The following SLC7A14 variants were observed in gnomAD, a reference collection of about 807,000 sequenced individuals.
SLC7A14 encodes solute carrier family 7 member 14, also known as gamma-aminobutyric acid transporter SLC7A14.
In SLC7A14, 37 loss-of-function variants were observed where a neutral mutation model predicts 60.2. The ratio of observed to expected loss-of-function variants is 0.61; its 90% confidence interval spans 0.47 to 0.81. The LOEUF is 0.81. Ranked by LOEUF, SLC7A14 falls within the 30% of genes least tolerant of loss-of-function variation. SLC7A14 has a pLI of 0.00. For synonymous variants in SLC7A14, 399 were observed against 395.8 expected, an observed-to-expected ratio of 1.01 and a Z score of -0.10; for missense variants, 886 against 982.7, an observed-to-expected ratio of 0.90 and a Z score of 1.32.
intron 4 of SLC7A14, among the ~76,000 whole-genome samples, chr3:170,493,203 G>T (rs948842276): frequency 8.5e-5 from 13 of 152,208 alleles, no homozygotes; most frequent in Non-Finnish European, 1.5e-4. Flanking sequence ...TCAGCTGAAG[G>T]CCAGAGTTAC....
intron 4 of SLC7A14, among the ~76,000 whole-genome samples, chr3:170,496,798 G>A (rs184843640): frequency 1.8e-3 from 277 of 152,330 alleles, no homozygotes; most frequent in African/African-American, 5.2e-3. Context: ...CAGCCGCACC[G>A]GCTCCGCCAG....
At chr3:170,500,310 T>C (rs761742824) in intron 3 of SLC7A14, among the ~76,000 whole-genome samples, 33 of 151,952 alleles carry the variant, frequency 2.2e-4, no homozygotes, top group Non-Finnish European at 3.8e-4. Flanking sequence ...GTGTGGTAGC[T>C]GAGTAGTAAT....
intron 2 of SLC7A14, among the ~76,000 whole-genome samples, chr3:170,525,547 T>G (rs547410111): frequency 6.6e-6 from 1 of 152,336 alleles, no homozygotes; most frequent in Non-Finnish European, 1.5e-5. Flanking sequence ...AGTTTGAGGT[T>G]TATCAAATCC....
At position 170,573,513 on chromosome 3, in the gene SLC7A14, A is replaced by C. The variant is rs141934467; in HGVS notation, c.-153+12398T>G. The stretch of plus-strand genomic sequence containing the variant: ...GCAGAGAATTAGGCCCAGGAGTTCA[A>C]AGATTTGGTAAGGGGCTTTGGACAA... On this transcript the variant is annotated intron_variant, in intron 1 of 7. Coordinates refer to ENST00000231706, the MANE Select transcript of SLC7A14 (RefSeq NM_020949.3). Among the ~76,000 whole-genome samples the C allele has an allele frequency of 4.7e-3, 720 of 152,316 alleles. 18 individuals are homozygous for C. The highest frequency in any genetic ancestry group is 0.035 in the Admixed American group (537 of 15,292).
chr3:170,549,466 G>A (rs759904252), intron 1 of SLC7A14, among the ~76,000 whole-genome samples: 1 of 152,024 alleles, frequency 6.6e-6, no homozygotes, highest in Non-Finnish European at 1.5e-5. Context: ...CACCCGCCTC[G>A]GCCTCCCAAA....
chr3:170,483,531 A>G lies in SLC7A14; in HGVS notation c.907-9T>C, dbSNP rs2108270549. 1.9e-6 allele frequency: 3 copies of G among 1,614,090 alleles called. No individual in the cohort carries two copies. The highest frequency in any genetic ancestry group is 2.5e-6 in the Non-Finnish European group (3 of 1,179,940). On this transcript the variant is annotated splice_polypyrimidine_tract_variant and intron_variant, in intron 5 of 7. Transcript: ENST00000231706. ...GTTAAGATCACGCTCACCTGTTAAA[A>G]CAAGAGAAGACAGGGCTGGAGGTAC... is the stretch of plus-strand genomic sequence containing the variant.
chr3:170,483,652 G>T, intron 5 of SLC7A14, 130 bp from the exon 6 acceptor site: 1 of 900,954 alleles, frequency 1.1e-6, no homozygotes, highest in Non-Finnish European at 1.7e-6. Flanking sequence ...CCATTCACTT[G>T]CTGGCATGTG....
chr3:170,537,504 A>AC (rs1210687248), intron 1 of SLC7A14, among the ~76,000 whole-genome samples: 6 of 152,134 alleles, frequency 3.9e-5, no homozygotes, highest in Non-Finnish European at 1.5e-5. Context: ...TCTTCTAAGA[A>AC]CCACTCTTAT....
At position 170,525,357 on chromosome 3, in the gene SLC7A14, A is replaced by G. The variant is rs887454064; in HGVS notation, c.304+1276T>C. Among the ~76,000 whole-genome samples, 3 of 152,244 alleles carry G rather than the reference A, an allele frequency of 2.0e-5. 1 individual carries two copies. In the Middle Eastern group the frequency reaches 9.5e-3, roughly 482 times the overall value. Reference sequence around the variant, plus strand: ...AAAGTATCGGCATGTGAGTCCTTGCACCTTATTTTTAAAAATGAGTTTTAT... The same window carrying G: ...AAAGTATCGGCATGTGAGTCCTTGCGCCTTATTTTTAAAAATGAGTTTTAT... On this transcript the variant is annotated intron_variant, in intron 2 of 7. Coordinates refer to ENST00000231706, the MANE Select transcript of SLC7A14 (RefSeq NM_020949.3).
chr3:170,468,309 T>C (rs1183347553), intron 7 of SLC7A14, among the ~76,000 whole-genome samples: 2 of 152,184 alleles, frequency 1.3e-5, no homozygotes, highest in East Asian at 1.9e-4. Context: ...CTTTTCTTTT[T>C]TTTTTTGAGA....
At chr3:170,486,182 C>A (rs1465360478) in intron 5 of SLC7A14, 40 bp downstream of exon 5, 1 of 1,609,318 alleles carries the variant, frequency 6.2e-7, no homozygotes, top group South Asian at 1.1e-5. Context: ...AGTGCCAGGG[C>A]CACATCGTGA....
At chr3:170,496,437 G>A (rs1185535841) in intron 4 of SLC7A14, 7 of 1,260,004 alleles carry the variant, frequency 5.6e-6, no homozygotes, top group Non-Finnish European at 8.1e-6. Context: ...GGCCCCCATC[G>A]CAGATACCGA....
Position 170,532,085 on chromosome 3 carries a change from A to C in SLC7A14, c.-152-4997T>G, listed in dbSNP as rs575911902. 1.8e-4 allele frequency among the ~76,000 whole-genome samples: 27 copies of C among 152,166 alleles called. No individual in the cohort carries two copies. Among genetic ancestry groups the C allele is most frequent in the Non-Finnish European group, 3.2e-4 (22 of 68,026 alleles). ...CCTGATTTTGCAAATATGCTAAGGG[A>C]CTACAAAAATCCCTCATGACACACT... On this transcript the variant is annotated intron_variant, in intron 1 of 7. Coordinates refer to ENST00000231706, the MANE Select transcript of SLC7A14 (RefSeq NM_020949.3). This position sits in a 1 kb window ranked among gnomAD's most constrained non-coding sequence, Gnocchi z 4.0.
chr3:170,481,260 G>C lies in SLC7A14; in HGVS notation c.1116-94C>G, dbSNP rs1560251902. On this transcript the variant is annotated intron_variant, in intron 6 of 7. Transcript: ENST00000231706. ...GGGAGCTAGAACTATCAATAGGCTG[G>C]TGTGATTAACTCCTCCTGGTCCTGC... The C allele has an allele frequency of 3.7e-6, 5 of 1,346,148 alleles. No individual in the cohort carries two copies. In the African/African-American group the frequency reaches 7.3e-5, roughly 20 times the overall value. The allele number at this position is 1,346,148 out of a possible 1,614,324, so 83.4% of individuals were successfully genotyped here.
At chr3:170,469,560 C>G (rs1340081344) in intron 7 of SLC7A14, among the ~76,000 whole-genome samples, 1 of 152,094 alleles carries the variant, frequency 6.6e-6, no homozygotes, top group African/African-American at 2.4e-5. Flanking sequence ...CACATTAAGG[C>G]CTCTTCTAAG....
At position 170,462,509 on chromosome 3, in the gene SLC7A14, T is replaced by G. The variant is rs1040287860; in HGVS notation, c.*4546A>C. On this transcript the variant is annotated 3_prime_UTR_variant, in exon 8 of 8. Coordinates refer to ENST00000231706, the MANE Select transcript of SLC7A14 (RefSeq NM_020949.3). Reference sequence around the variant, plus strand: ...TGGATTGTTAAATTCAACAACTCCCTTCCGCCCGCCATTTATTTAAACAGA... The same window carrying G: ...TGGATTGTTAAATTCAACAACTCCCGTCCGCCCGCCATTTATTTAAACAGA... 16 of 152,226 alleles carry G rather than the reference T, an allele frequency of 1.1e-4. No individual in the cohort carries two copies. Among genetic ancestry groups the G allele is most frequent in the African/African-American group, 3.6e-4 (15 of 41,464 alleles). 9.4% of individuals were successfully genotyped at this position (152,226 alleles called of 1,614,324 possible). A position where few individuals can be genotyped will look rare whatever the true frequency, so the allele number is the denominator to read the frequency against.
intron 2 of SLC7A14, among the ~76,000 whole-genome samples, chr3:170,502,336 C>T (rs1283250414): frequency 6.6e-6 from 1 of 152,160 alleles, no homozygotes; most frequent in African/African-American, 2.4e-5. Flanking sequence ...AACCAGTTCC[C>T]AAGGTAATAC....
chr3:170,489,312 C>T (rs913708722), intron 4 of SLC7A14, among the ~76,000 whole-genome samples: 26 of 152,186 alleles, frequency 1.7e-4, no homozygotes, highest in Non-Finnish European at 3.4e-4. Context: ...TTTGAATAGA[C>T]ATTTCTCAAA....
intron 7 of SLC7A14, among the ~76,000 whole-genome samples, chr3:170,475,180 C>A (rs1711575661): frequency 6.6e-6 from 1 of 152,180 alleles, no homozygotes; most frequent in South Asian, 2.1e-4. Context: ...CTTGTTGGGG[C>A]TTGTGCCTCG....
Sources: allele counts gnomAD v4.1 joint callset (sites outside exome capture counted in the v4.1 genomes callset), GRCh38; gene constraint gnomAD v4.1.1; non-coding constraint Gnocchi (gnomAD v3.1); transcripts MANE v1.5; gene names NCBI Gene and HGNC (gene_info 2026-07-23, HGNC 2026-07-21).